URB2: variants seen among roughly 807,000 people sequenced by gnomAD.
URB2 encodes URB2 ribosome biogenesis homolog.
In URB2, 86 loss-of-function variants were observed where a neutral mutation model predicts 120.9. That is an observed-to-expected ratio of 0.71 (90% CI 0.60 to 0.85). The LOEUF (loss-of-function observed/expected upper bound fraction) is 0.85, where lower values mean the gene tolerates loss of function less well. URB2 is among the 40% of genes least tolerant of loss of function. The pLI, the probability that URB2 is intolerant of heterozygous loss-of-function variation, is 0.00. For missense variants in URB2, 1,765 were observed against 1,836.5 expected (o/e 0.96, Z 0.71); for synonymous variants, 755 against 758.4 (o/e 1.00, Z 0.07).
At chr1:229,630,168 A>G (rs537611243) in intron 2 of URB2, among the ~76,000 whole-genome samples, 1 of 152,288 alleles carries the variant, frequency 6.6e-6, no homozygotes, top group South Asian at 2.1e-4. Context: ...GAATATTTTT[A>G]CTGGCATCTA....
chr1:229,629,755 A>G (rs1357726146), intron 2 of URB2, among the ~76,000 whole-genome samples: 2 of 152,172 alleles, frequency 1.3e-5, no homozygotes, highest in African/African-American at 4.8e-5. Context: ...GCATTGATGG[A>G]GCTTTTCCTT....
chr1:229,635,647 G>A lies in URB2; in HGVS notation c.1034G>A (p.Ser345Asn). The A allele has an allele frequency of 6.2e-7, 1 of 1,614,148 alleles. No homozygotes were observed. Among genetic ancestry groups the A allele is most frequent in the Non-Finnish European group, 8.5e-7 (1 of 1,180,040 alleles). The change falls in exon 4 of 10, where the codon AGC (serine) becomes AAC (asparagine). Residue 345 changes from serine (S) to asparagine (N), a missense_variant. Physicochemically the swap from Ser to Asn is conservative, Grantham distance 46. Coordinates refer to ENST00000258243, the MANE Select transcript of URB2 (RefSeq NM_014777.4). ...LKISHLQEEQ[S>N]KALSTSDWTT... ...ATTTCACACCTGCAGGAGGAGCAGA[G>A]CAAAGCCCTGTCCACATCAGATTGG... is the stretch of plus-strand genomic sequence containing the variant.
chr1:229,638,120 G>A lies in URB2; in HGVS notation c.3507G>A (p.Ala1169=), dbSNP rs180705181. The part of the protein sequence containing the change: ...SQILLELPAL[A]GHDQSFQAAL... Reference sequence around the variant, plus strand: ...TACTGTTGGAGTTGCCAGCTCTCGCGGGACATGATCAGTCTTTTCAGGCAG... The same window carrying A: ...TACTGTTGGAGTTGCCAGCTCTCGCAGGACATGATCAGTCTTTTCAGGCAG... The change falls in exon 4 of 10, where the codon GCG becomes GCA. Residue 1169 remains alanine (A), a synonymous_variant. Transcript: ENST00000258243. 153 of 1,614,184 alleles carry A rather than the reference G, an allele frequency of 9.5e-5. No individual in the cohort carries two copies. Among genetic ancestry groups the A allele is most frequent in the East Asian group, 4.5e-5 (2 of 44,888 alleles).
chr1:229,655,102 C>G (rs960760544), intron 9 of URB2, among the ~76,000 whole-genome samples: 1 of 152,184 alleles, frequency 6.6e-6, no homozygotes, highest in Admixed American at 6.5e-5. Context: ...CTCAGCTGCT[C>G]TCAGACACTC....
Position 229,628,186 on chromosome 1 carries a change from A to ACATAT in URB2, c.126+427_126+428insCATAT, listed in dbSNP as rs1461428278. Reference sequence around the variant, plus strand: ...TGTATAGTATATATGTATATAATATATATAATATATATGTATATATATTAT... The same window carrying ACATAT: ...TGTATAGTATATATGTATATAATATACATATTATAATATATATGTATATATATTAT... On this transcript the variant is annotated intron_variant, in intron 2 of 9. Coordinates refer to ENST00000258243, the MANE Select transcript of URB2 (RefSeq NM_014777.4). Among the ~76,000 whole-genome samples the ACATAT allele has an allele frequency of 4.1e-5, 6 of 144,608 alleles. No homozygotes were observed. The East Asian group carries it at 5.9e-4, about 14-fold the overall frequency. 94.9% of individuals were successfully genotyped at this position (144,608 alleles called of 152,430 possible).
chr1:229,636,822 G>A lies in URB2; in HGVS notation c.2209G>A (p.Val737Ile). 1.9e-6 allele frequency: 3 copies of A among 1,612,204 alleles called. No homozygotes were observed. Among genetic ancestry groups the A allele is most frequent in the Non-Finnish European group, 2.5e-6 (3 of 1,178,490 alleles). Residue 737 changes from valine (V) to isoleucine (I), a missense_variant, in exon 4 of 10, where the codon GTA (valine) becomes ATA (isoleucine). Coordinates refer to ENST00000258243, the MANE Select transcript of URB2 (RefSeq NM_014777.4). ...GATGGTGAGTGGACTCACATACCCT[G>A]TAGCACACTGGCACTTGATTGTGTC... ...VGMVSGLTYP[V>I]AHWHLIVSNL... is the part of the protein sequence containing the mutation.
At chr1:229,645,192 G>A (rs1666110288) in intron 5 of URB2, among the ~76,000 whole-genome samples, 2 of 152,004 alleles carry the variant, frequency 1.3e-5, no homozygotes, top group South Asian at 4.2e-4. Context: ...GGCTGAGGCA[G>A]GAGAATCGCT....
chr1:229,638,462 G>A (rs1222015081), intron 4 of URB2, among the ~76,000 whole-genome samples: 2 of 151,946 alleles, frequency 1.3e-5, no homozygotes, highest in Non-Finnish European at 2.9e-5. Flanking sequence ...TGGCTAACAC[G>A]GAGAAACCCC....
At position 229,636,505 on chromosome 1, in the gene URB2, C is replaced by T; in HGVS notation, c.1892C>T (p.Ser631Phe). The stretch of plus-strand genomic sequence containing the variant: ...AACTGTAGCCAGTATCACTCTATGT[C>T]TGGGCCCCTTATAGGTGTTGCTCTG... ...SLNCSQYHSM[S>F]GPLIGVALEI... is the part of the protein sequence containing the mutation. Residue 631 changes from serine (S) to phenylalanine (F), a missense_variant, in exon 4 of 10, where the codon TCT (serine) becomes TTT (phenylalanine). Physicochemically the swap from Ser to Phe is radical, Grantham distance 155. Coordinates refer to ENST00000258243, the MANE Select transcript of URB2 (RefSeq NM_014777.4). 6.2e-7 allele frequency: 1 copy of T among 1,614,224 alleles called. No homozygotes were observed. The highest frequency in any genetic ancestry group is 1.1e-5 in the South Asian group (1 of 91,078).
intron 8 of URB2, among the ~76,000 whole-genome samples, chr1:229,652,592 C>T (rs558278683): frequency 8.5e-5 from 13 of 152,244 alleles, no homozygotes; most frequent in South Asian, 2.1e-4. Context: ...AGCACGTCAG[C>T]TTCATATTGT....
chr1:229,643,025 T>A (rs1331213286), intron 4 of URB2, among the ~76,000 whole-genome samples: 1 of 152,244 alleles, frequency 6.6e-6, no homozygotes, highest in East Asian at 1.9e-4. Flanking sequence ...GAAAAGAAGA[T>A]GTTATTAAGA....
chr1:229,652,356 GC>G (rs1434455569), intron 8 of URB2, among the ~76,000 whole-genome samples: 2 of 152,186 alleles, frequency 1.3e-5, no homozygotes, highest in East Asian at 3.8e-4. Context: ...TCAGAGAAGA[GC>G]CTGTGACCGT....
intron 8 of URB2, among the ~76,000 whole-genome samples, chr1:229,653,931 T>G (rs1666339105): frequency 6.7e-6 from 1 of 149,508 alleles, no homozygotes; most frequent in African/African-American, 2.5e-5. Context: ...GAACTCCATC[T>G]TGGTGTTTTT....
chr1:229,647,459 T>C lies in URB2; in HGVS notation c.3907-51T>C, dbSNP rs1666171359. On this transcript the variant is annotated intron_variant, in intron 6 of 9. Transcript: ENST00000258243. ...ACTCAGAGCTGCAGTGTTTGTGTTA[T>C]TTCCTTGGGGAATTACTTTCATTTT... 1.9e-6 allele frequency: 3 copies of C among 1,583,718 alleles called. No individual in the cohort carries two copies. In the African/African-American group the frequency reaches 4.0e-5, roughly 21 times the overall value.
At chr1:229,647,797 C>G in intron 7 of URB2, 45 bp downstream of exon 7, 1 of 1,597,208 alleles carries the variant, frequency 6.3e-7, no homozygotes, top group East Asian at 2.2e-5. Context: ...CCTCTGCGAG[C>G]AGGGTACTTG....
At position 229,651,307 on chromosome 1, in the gene URB2, CGGCAGAA is replaced by C. The variant is rs768182493; in HGVS notation, c.4225_4231del (p.Gln1409ThrfsTer5). The C allele has an allele frequency of 6.2e-7, 1 of 1,611,184 alleles. No homozygotes were observed. The highest frequency in any genetic ancestry group is 1.1e-5 in the South Asian group (1 of 90,618). ...GGTGTTTTCAGTTATGCGGGAAGGG[CGGCAGAA>C]GGACAAAGGTAATTTGGAGTAACAT... is the stretch of plus-strand genomic sequence containing the variant. On this transcript the variant is annotated frameshift_variant, in exon 8 of 10. Transcript: ENST00000258243. LOFTEE classifies it high-confidence loss of function.
At position 229,627,683 on chromosome 1, in the gene URB2, C is replaced by G. The variant is rs1179164719; in HGVS notation, c.50C>G (p.Thr17Ser). The change falls in exon 2 of 10, where the codon ACT (threonine) becomes AGT (serine). Residue 17 changes from threonine (T) to serine (S), a missense_variant. By Grantham distance (58) the Thr-to-Ser change is moderately conservative. Transcript: ENST00000258243. ...GISLKLKSKT[T>S]SWEDKLKLAH... is the part of the protein sequence containing the mutation. The stretch of plus-strand genomic sequence containing the variant: ...TCCCTTAAGCTTAAAAGCAAGACAA[C>G]TTCCTGGGAAGATAAACTAAAACTA... The G allele has an allele frequency of 3.7e-6, 6 of 1,613,474 alleles. No individual in the cohort carries two copies. Among genetic ancestry groups the G allele is most frequent in the African/African-American group, 2.7e-5 (2 of 74,900 alleles).
chr1:229,656,537 A>G (rs1000922957), intron 9 of URB2, among the ~76,000 whole-genome samples: 1 of 152,244 alleles, frequency 6.6e-6, no homozygotes, highest in African/African-American at 2.4e-5. Flanking sequence ...AATGAAGAAA[A>G]TATTCCATAT....
intron 7 of URB2, among the ~76,000 whole-genome samples, chr1:229,648,096 G>T (rs1314565108): frequency 1.3e-5 from 2 of 152,144 alleles, no homozygotes; most frequent in Admixed American, 6.5e-5. Context: ...TCCCACTCCT[G>T]ACCTCATGTG....
Sources: allele counts gnomAD v4.1 joint callset (sites outside exome capture counted in the v4.1 genomes callset), GRCh38; gene constraint gnomAD v4.1.1; transcripts MANE v1.5; gene names NCBI Gene and HGNC (gene_info 2026-07-23, HGNC 2026-07-21).